EPHX2: variants seen among roughly 807,000 people sequenced by gnomAD.
EPHX2 encodes epoxide hydrolase 2.
Under a neutral mutation model 78.7 loss-of-function variants are expected in EPHX2, and 74 were observed. That is an observed-to-expected ratio of 0.94 (90% confidence interval 0.78 to 1.14). The LOEUF is 1.14. EPHX2 is among the 50% of genes most tolerant of loss of function. EPHX2 has a pLI of 0.00. For synonymous variants in EPHX2, 251 were observed against 255.2 expected (o/e 0.98, Z 0.16); for missense variants, 715 against 702.5 (o/e 1.02, Z -0.20).
chr8:27,503,172 G>A (rs1293054843), intron 2 of EPHX2, among the ~76,000 whole-genome samples: 1 of 152,170 alleles, frequency 6.6e-6, no homozygotes, highest in Admixed American at 6.5e-5. Context: ...GAAATAGAAG[G>A]CAAGCCCTAA....
At chr8:27,500,146 G>A (rs1813711220) in intron 1 of EPHX2, among the ~76,000 whole-genome samples, 1 of 152,168 alleles carries the variant, frequency 6.6e-6, no homozygotes, top group Admixed American at 6.5e-5. Flanking sequence ...GGGGGTTGGT[G>A]GGAGGTGATT....
intron 11 of EPHX2, among the ~76,000 whole-genome samples, chr8:27,525,107 TGCGCGCGC>T (rs1182901102): frequency 3.9e-5 from 4 of 103,456 alleles, no homozygotes; most frequent in Non-Finnish European, 8.3e-5. Flanking sequence ...TGTGTGTGTG[TGCGCGCGC>T]GCGCGCGCAC....
At chr8:27,513,822 G>T (rs569642451) in intron 6 of EPHX2, among the ~76,000 whole-genome samples, 1 of 152,176 alleles carries the variant, frequency 6.6e-6, no homozygotes, top group African/African-American at 2.4e-5. Flanking sequence ...GAACACAGGC[G>T]AACTAGGATC....
At chr8:27,525,337 G>A in intron 11 of EPHX2, 25 bp from the exon 12 acceptor site, 2 of 1,606,540 alleles carry the variant, frequency 1.2e-6, no homozygotes, top group Non-Finnish European at 1.7e-6. Flanking sequence ...CAGGGGCTAT[G>A]TCTTGCTGCC....
intron 4 of EPHX2, among the ~76,000 whole-genome samples, chr8:27,505,989 T>C (rs1388535350): frequency 6.6e-6 from 1 of 152,150 alleles, no homozygotes; most frequent in Admixed American, 6.5e-5. Flanking sequence ...GTTTAACTAA[T>C]TAATTTATTT....
chr8:27,493,954 T>C (rs901123372), intron 1 of EPHX2, among the ~76,000 whole-genome samples: 9 of 151,900 alleles, frequency 5.9e-5, no homozygotes, highest in African/African-American at 1.9e-4. Flanking sequence ...AAGAGAGTAA[T>C]TGAAAGAGGG....
chr8:27,506,768 G>A, intron 4 of EPHX2, 104 bp from the exon 5 acceptor site: 1 of 1,468,574 alleles, frequency 6.8e-7, no homozygotes, highest in Non-Finnish European at 9.2e-7. Context: ...GCAGTAGATG[G>A]TTATAAAAGA....
In EPHX2 at chr8:27,536,820, C is replaced by A. The variant is rs772415390; in HGVS notation, c.1207C>A (p.Arg403=). Residue 403 remains arginine (R), a synonymous_variant, in exon 13 of 19, where the codon CGG becomes AGG. Transcript: ENST00000521400. ...AEAELEQNLS[R]TFKSLFRASD... ...GGCTGAACTGGAACAGAACCTGAGT[C>A]GGACTTTCAAAAGCCTCTTCAGAGC... 2.9e-5 allele frequency: 47 copies of A among 1,612,608 alleles called. No individual in the cohort carries two copies. The highest frequency in any genetic ancestry group is 3.9e-5 in the Non-Finnish European group (46 of 1,179,854).
chr8:27,496,002 G>A (rs1813559172), intron 1 of EPHX2, among the ~76,000 whole-genome samples: 1 of 152,190 alleles, frequency 6.6e-6, no homozygotes, highest in Non-Finnish European at 1.5e-5. Flanking sequence ...CCATCTCGCT[G>A]TATCTGGGGA....
chr8:27,524,089 C>T (rs142660582), intron 11 of EPHX2, among the ~76,000 whole-genome samples: 211 of 152,122 alleles, frequency 1.4e-3, no homozygotes, highest in Non-Finnish European at 2.3e-3. Flanking sequence ...TGCACCAACA[C>T]GCCCAGCTAA....
At position 27,536,680 on chromosome 8, in the gene EPHX2, A is replaced by G. The variant is rs879220421; in HGVS notation, c.1171-104A>G. 5.2e-6 allele frequency: 6 copies of G among 1,146,710 alleles called. No homozygotes were observed. In the South Asian group the frequency reaches 7.9e-5, roughly 15 times the overall value. 71.0% of individuals were successfully genotyped at this position (1,146,710 alleles called of 1,614,324 possible). ...GCTATTCTGATGAAACTTGGGCTGG[A>G]TGGGGCACAGGTAGGGTGCTTGTTG... On this transcript the variant is annotated intron_variant, in intron 12 of 18. Coordinates refer to ENST00000521400, the MANE Select transcript of EPHX2 (RefSeq NM_001979.6).
chr8:27,544,344 T>G, intron 18 of EPHX2, 100 bp downstream of exon 18: 1 of 1,593,684 alleles, frequency 6.3e-7, no homozygotes, highest in African/African-American at 1.3e-5. Flanking sequence ...TTGGCCTGGC[T>G]TAGCCACTCA....
At chr8:27,534,143 G>A (rs568659532) in intron 12 of EPHX2, among the ~76,000 whole-genome samples, 1 of 152,106 alleles carries the variant, frequency 6.6e-6, no homozygotes, top group Non-Finnish European at 1.5e-5. Context: ...TCTCACTGTG[G>A]CATTCATCAT....
rs1456970079 is a variant in EPHX2, at chr8:27,491,261, C to T, written c.53C>T (p.Ala18Val). ...CTTGACGGGGTGCTGGCGCTGCCAG[C>T]GGTGTTCGGCGTCCTCGGCCGCACG... The part of the protein sequence containing the change: ...FDLDGVLALP[A>V]VFGVLGRTEE... The change falls in exon 1 of 19, where the codon GCG (alanine) becomes GTG (valine). Residue 18 changes from alanine (A) to valine (V), a missense_variant. Transcript: ENST00000521400. 2.5e-6 allele frequency: 4 copies of T among 1,582,070 alleles called. No individual in the cohort carries two copies. The highest frequency in any genetic ancestry group is 1.4e-5 in the African/African-American group (1 of 73,026).
intron 8 of EPHX2, 69 bp downstream of exon 8, chr8:27,516,467 C>T (rs901786196): frequency 2.3e-5 from 32 of 1,419,148 alleles, no homozygotes; most frequent in Middle Eastern, 2.0e-4. Context: ...CTCCACGCCT[C>T]GGTGCTTTCC....
chr8:27,531,635 A>G (rs1406495404), intron 12 of EPHX2, among the ~76,000 whole-genome samples: 1 of 152,168 alleles, frequency 6.6e-6, no homozygotes, highest in African/African-American at 2.4e-5. Context: ...CCACTCCTGG[A>G]TGGCATCCTT....
intron 14 of EPHX2, 115 bp downstream of exon 14, chr8:27,538,807 T>C: frequency 8.0e-7 from 1 of 1,254,588 alleles, no homozygotes; most frequent in Non-Finnish European, 1.2e-6. Flanking sequence ...GAACTTTAAG[T>C]TGCCCAACCA....
At chr8:27,524,343 C>G (rs2132763180) in intron 11 of EPHX2, among the ~76,000 whole-genome samples, 1 of 152,266 alleles carries the variant, frequency 6.6e-6, no homozygotes, top group African/African-American at 2.4e-5. Context: ...CATATGGTCT[C>G]TCAGTGCTTG....
intron 11 of EPHX2, among the ~76,000 whole-genome samples, chr8:27,523,350 G>A (rs1814716788): frequency 6.6e-6 from 1 of 152,238 alleles, no homozygotes. Flanking sequence ...TCTTAGACCA[G>A]CATTTCATGG....
Sources: allele counts gnomAD v4.1 joint callset (sites outside exome capture counted in the v4.1 genomes callset), GRCh38; gene constraint gnomAD v4.1.1; transcripts MANE v1.5; gene names NCBI Gene and HGNC (gene_info 2026-07-23, HGNC 2026-07-21).